Variants in ZBTB20 observed in about 807,000 individuals in gnomAD.
The protein encoded by ZBTB20 is zinc finger and BTB domain containing 20.
ZBTB20 carries 9 observed loss-of-function variants against 56.9 expected under a neutral mutation model. The observed-to-expected ratio is 0.16, with a 90% CI of 0.10 to 0.28. The LOEUF is 0.28. Ranked by LOEUF, ZBTB20 falls within the 10% of genes least tolerant of loss-of-function variation. The pLI is 1.00. For synonymous variants in ZBTB20, 417 were observed against 420.7 expected, an observed-to-expected ratio of 0.99 and a Z score of 0.11; for missense variants, 655 against 1,003.0, an observed-to-expected ratio of 0.65 and a Z score of 4.69.
At chr3:114,974,499 C>T (rs2078018562) in intron 2 of ZBTB20, 83 bp from the exon 3 acceptor site, 2 of 152,100 alleles carry the variant, frequency 1.3e-5, no homozygotes, top group Admixed American at 1.3e-4. Flanking sequence ...ACCCAGGTAG[C>T]TGAGTTTGTG....
At chr3:114,623,528 A>G (rs1413439328) in intron 6 of ZBTB20, among the ~76,000 whole-genome samples, 1 of 152,160 alleles carries the variant, frequency 6.6e-6, no homozygotes, top group South Asian at 2.1e-4. Context: ...GTGACAAATC[A>G]TATTTTCCAA....
intron 6 of ZBTB20, among the ~76,000 whole-genome samples, chr3:114,693,263 C>A (rs1036409948): frequency 1.3e-5 from 2 of 152,070 alleles, no homozygotes; most frequent in Non-Finnish European, 2.9e-5. Context: ...AAATATTTGT[C>A]AAAATCTGTG....
In ZBTB20 at chr3:114,316,829, A is replaced by C. The variant is rs571336528; in HGVS notation, c.*22176T>G. ...CGTGGCAGTGCCAGGCTCGTGCCTG[A>C]GTGATTAATGGACATTCTGGACTCC... is the stretch of plus-strand genomic sequence containing the variant. On this transcript the variant is annotated 3_prime_UTR_variant, in exon 12 of 12. Coordinates refer to ENST00000675478, the MANE Select transcript of ZBTB20 (RefSeq NM_001348800.3). The C allele has an allele frequency of 2.0e-3, 512 of 260,286 alleles. 6 individuals carry two copies. The highest frequency in any genetic ancestry group is 5.2e-4 in the Non-Finnish European group (68 of 130,728). The allele number at this position is 260,286 out of a possible 1,614,324, so 16.1% of individuals were successfully genotyped here.
chr3:114,487,392 T>A (rs1321256269), intron 7 of ZBTB20, among the ~76,000 whole-genome samples: 1 of 152,230 alleles, frequency 6.6e-6, no homozygotes, highest in Non-Finnish European at 1.5e-5. Context: ...TAGCTTGTAG[T>A]TGGCCTGAAG....
chr3:114,490,736 T>C (rs1405488328), intron 7 of ZBTB20, among the ~76,000 whole-genome samples: 1 of 152,222 alleles, frequency 6.6e-6, no homozygotes, highest in African/African-American at 2.4e-5. Context: ...AGCAAAAAGA[T>C]AATGGGAGAA....
intron 5 of ZBTB20, among the ~76,000 whole-genome samples, chr3:114,721,422 A>G (rs767443650): frequency 6.6e-6 from 1 of 152,208 alleles, no homozygotes; most frequent in Non-Finnish European, 1.5e-5. Context: ...CGGTAGTGTC[A>G]GCAGAAATGT....
chr3:114,856,115 A>G (rs2075241452), intron 4 of ZBTB20, among the ~76,000 whole-genome samples: 1 of 152,178 alleles, frequency 6.6e-6, no homozygotes, highest in African/African-American at 2.4e-5. Context: ...CTGATCCTTC[A>G]GATTTAAAAT....
At chr3:114,661,341 T>C (rs1429226672) in intron 6 of ZBTB20, among the ~76,000 whole-genome samples, 1 of 152,124 alleles carries the variant, frequency 6.6e-6, no homozygotes, top group East Asian at 1.9e-4. Flanking sequence ...TGGGCATAAA[T>C]AAAAATCGAA....
At chr3:114,548,906 G>T (rs1308430253) in intron 6 of ZBTB20, among the ~76,000 whole-genome samples, 3 of 152,124 alleles carry the variant, frequency 2.0e-5, no homozygotes, top group Non-Finnish European at 4.4e-5. Flanking sequence ...TAATTATTAA[G>T]AACTGAAAAG....
At chr3:114,875,429 T>A (rs2076156838) in intron 4 of ZBTB20, among the ~76,000 whole-genome samples, 1 of 152,148 alleles carries the variant, frequency 6.6e-6, no homozygotes, top group African/African-American at 2.4e-5. Context: ...ATGGTTTTCA[T>A]ATCCATACCA....
At chr3:114,864,495 T>C (rs1979861) in intron 4 of ZBTB20, among the ~76,000 whole-genome samples, 1 of 152,076 alleles carries the variant, frequency 6.6e-6, no homozygotes, top group African/African-American at 2.4e-5. Flanking sequence ...AGGATTTTTT[T>C]TTTTGGCAAT....
intron 1 of ZBTB20, among the ~76,000 whole-genome samples, chr3:115,108,172 C>T (rs1157250365): frequency 6.6e-6 from 1 of 152,006 alleles, no homozygotes; most frequent in East Asian, 1.9e-4. Context: ...TCCCATACAA[C>T]TATCAGAATT....
At chr3:114,699,452 GA>G (rs550093843) in intron 5 of ZBTB20, among the ~76,000 whole-genome samples, 41 of 147,730 alleles carry the variant, frequency 2.8e-4, no homozygotes, top group East Asian at 3.9e-4. Context: ...TTTTTTTTTG[GA>G]AAAAAAAAAT....
chr3:114,580,450 T>C (rs1433611601), intron 6 of ZBTB20, among the ~76,000 whole-genome samples: 1 of 151,784 alleles, frequency 6.6e-6, no homozygotes, highest in Non-Finnish European at 1.5e-5. Context: ...AGAATAGATA[T>C]TCTTAATGTG....
rs2079138947 is a variant in ZBTB20, at chr3:114,328,704, CT to C, written c.*10300del. The C allele has an allele frequency of 6.6e-6, 1 of 152,100 alleles. No homozygotes were observed. The highest frequency in any genetic ancestry group is 2.4e-5 in the African/African-American group (1 of 41,428). 9.4% of individuals were successfully genotyped at this position (152,100 alleles called of 1,614,324 possible). The stretch of plus-strand genomic sequence containing the variant: ...TGCCTACGAGTCTCAAGTTTATGAA[CT>C]CACTCACTTTAGTGTTCTTTCATTA... On this transcript the variant is annotated 3_prime_UTR_variant, in exon 12 of 12. Transcript: ENST00000675478.
intron 6 of ZBTB20, among the ~76,000 whole-genome samples, chr3:114,566,218 C>T (rs2052727463): frequency 6.6e-6 from 1 of 152,082 alleles, no homozygotes. Context: ...ACACAAAATG[C>T]CACTGTAATT....
intron 5 of ZBTB20, among the ~76,000 whole-genome samples, chr3:114,696,019 A>G (rs967713436): frequency 6.6e-6 from 1 of 152,102 alleles, no homozygotes; most frequent in Admixed American, 6.6e-5. Context: ...AAATATATAT[A>G]TACTAGCTTA....
At chr3:114,752,328 A>G (rs1202501031) in intron 5 of ZBTB20, among the ~76,000 whole-genome samples, 1 of 152,150 alleles carries the variant, frequency 6.6e-6, no homozygotes, top group African/African-American at 2.4e-5. Flanking sequence ...GTGTTGTTTT[A>G]TCTACCTTAT....
intron 7 of ZBTB20, among the ~76,000 whole-genome samples, chr3:114,430,546 A>G (rs2090041838): frequency 6.6e-6 from 1 of 152,172 alleles, no homozygotes; most frequent in East Asian, 1.9e-4. Context: ...ATAAACACAC[A>G]TTTTCTGCCA....
Sources: gnomAD v4.1 joint callset for allele counts (sites outside exome capture counted in the v4.1 genomes callset) on GRCh38, gnomAD v4.1.1 for gene constraint, MANE v1.5 for transcripts, NCBI Gene and HGNC (gene_info 2026-07-23, HGNC 2026-07-21) for gene names.